CCDC30: variants seen among roughly 807,000 people sequenced by gnomAD.
CCDC30 encodes the protein coiled-coil domain containing 30.
A neutral mutation model predicts 100.2 loss-of-function variants in CCDC30; 70 were observed. That is an observed-to-expected ratio of 0.70 (90% CI 0.58 to 0.85). CCDC30 has a LOEUF of 0.85. Among genes scored for constraint, CCDC30 ranks in the 40% least tolerant of loss-of-function variants. The pLI, the probability that CCDC30 is intolerant of heterozygous loss-of-function variation, is 0.00. For missense variants in CCDC30, 652 were observed against 771.2 expected (o/e 0.85, Z 1.83); for synonymous variants, 233 against 269.5 (o/e 0.86, Z 1.33).
the CCDC30 span, chr1:42,456,489 G>C: frequency 3.6e-6 from 5 of 1,389,530 alleles, no homozygotes; most frequent in Non-Finnish European, 4.7e-6. Context: ...ACGGCGCGGC[G>C]CGTACACCAG....
chr1:42,565,874 T>G (rs892711405), intron 6 of CCDC30, among the ~76,000 whole-genome samples: 3 of 151,782 alleles, frequency 2.0e-5, no homozygotes, highest in Admixed American at 2.0e-4. Context: ...TTAAGGTCTC[T>G]TACTAAATTT....
chr1:42,656,360 G>A (rs1339923801), downstream of CCDC30, among the ~76,000 whole-genome samples: 1 of 152,198 alleles, frequency 6.6e-6, no homozygotes, highest in Non-Finnish European at 1.5e-5. Flanking sequence ...ACCAGGTGCG[G>A]TGGCTCACGC....
intron 5 of CCDC30, among the ~76,000 whole-genome samples, chr1:42,498,298 A>G (rs1644258613): frequency 6.6e-6 from 1 of 152,180 alleles, no homozygotes; most frequent in African/African-American, 2.4e-5. Context: ...AACGGGAGTT[A>G]TTGTTTAATG....
chr1:42,655,489 G>A (rs772448421), downstream of CCDC30, among the ~76,000 whole-genome samples: 1 of 152,132 alleles, frequency 6.6e-6, no homozygotes, highest in Non-Finnish European at 1.5e-5. Flanking sequence ...AGAGGTTGCA[G>A]TGAGCCGAGA....
At chr1:42,475,326 C>T (rs1322143839) in intron 1 of CCDC30, among the ~76,000 whole-genome samples, 1 of 151,970 alleles carries the variant, frequency 6.6e-6, no homozygotes, top group East Asian at 1.9e-4. Context: ...AAAATATGAG[C>T]CATGGACTAA....
chr1:42,631,998 G>A (rs1319543377), intron 11 of CCDC30, among the ~76,000 whole-genome samples: 1 of 152,176 alleles, frequency 6.6e-6, no homozygotes, highest in Non-Finnish European at 1.5e-5. Context: ...TACCTATGCT[G>A]TAAGACTAAG....
At chr1:42,654,887 ATTT>A (rs937099357), downstream of CCDC30, among the ~76,000 whole-genome samples, 1 of 151,142 alleles carries the variant, frequency 6.6e-6, no homozygotes, top group African/African-American at 2.4e-5. Context: ...TAATTTTTGT[ATTT>A]TTAGTAGAGA....
At chr1:42,501,691 C>T (rs1644314808) in intron 6 of CCDC30, among the ~76,000 whole-genome samples, 1 of 152,168 alleles carries the variant, frequency 6.6e-6, no homozygotes, top group African/African-American at 2.4e-5. Context: ...CCCTCAGCTG[C>T]AGGTCTCTTG....
chr1:42,555,560 C>T (rs1047245363), intron 6 of CCDC30, among the ~76,000 whole-genome samples: 3 of 152,144 alleles, frequency 2.0e-5, no homozygotes, highest in Admixed American at 6.5e-5. Flanking sequence ...TGTGTCTGCT[C>T]AATGCCATAC....
At position 42,469,213 on chromosome 1, in the gene CCDC30, T is replaced by TA. The variant is rs551294001; in HGVS notation, c.-92+5322dup. On this transcript the variant is annotated intron_variant, in intron 1 of 16. Transcript: ENST00000668663. ...GGGCAACATATAAGACCCTCGTCTC[T>TA]AAAAAAATAATTTTAAAAATAAGAT... Among the ~76,000 whole-genome samples the TA allele has an allele frequency of 5.2e-3, 786 of 152,210 alleles. 8 individuals carry two copies. The highest frequency in any genetic ancestry group is 0.018 in the African/African-American group (759 of 41,524).
rs765283225 is a variant in CCDC30, at chr1:42,642,625, C to T, written c.1556+16C>T. 4 of 1,535,276 alleles carry T rather than the reference C, an allele frequency of 2.6e-6. No individual in the cohort carries two copies. Among genetic ancestry groups the T allele is most frequent in the Non-Finnish European group, 3.5e-6 (4 of 1,141,208 alleles). On this transcript the variant is annotated intron_variant, in intron 13 of 16. Transcript: ENST00000668663. ...TCCAGAGCAGGTAGGTGCCATCCTG[C>T]CTGGGAGCCAATAAACTCCACAAGA...
chr1:42,547,186 A>G (rs1645162071), intron 6 of CCDC30, among the ~76,000 whole-genome samples: 1 of 152,202 alleles, frequency 6.6e-6, no homozygotes, highest in Admixed American at 6.5e-5. Context: ...AATGGTCACA[A>G]AAACAGAGAG....
chr1:42,624,550 G>A (rs1351134643), intron 11 of CCDC30, among the ~76,000 whole-genome samples: 1 of 152,118 alleles, frequency 6.6e-6, no homozygotes, highest in Non-Finnish European at 1.5e-5. Context: ...TGTGATCTTG[G>A]CTTACTGCAA....
chr1:42,501,388 C>T (rs1208284525), intron 6 of CCDC30, among the ~76,000 whole-genome samples: 1 of 152,200 alleles, frequency 6.6e-6, no homozygotes. Flanking sequence ...ATTCTTAGAA[C>T]AATTCCATTC....
At chr1:42,465,797 A>T (rs1156794534) in intron 1 of CCDC30, among the ~76,000 whole-genome samples, 1 of 152,208 alleles carries the variant, frequency 6.6e-6, no homozygotes, top group Non-Finnish European at 1.5e-5. Flanking sequence ...GAGATCAGGG[A>T]TGCTGCTCCA....
At chr1:42,566,007 G>A (rs1570084790) in intron 6 of CCDC30, among the ~76,000 whole-genome samples, 3 of 152,040 alleles carry the variant, frequency 2.0e-5, no homozygotes, top group Admixed American at 2.0e-4. Context: ...CCCTAAAATT[G>A]TCTGTGCTTC....
In CCDC30 at chr1:42,487,962, G is replaced by C. The variant is rs115088324; in HGVS notation, c.170-2196G>C. On this transcript the variant is annotated intron_variant, in intron 3 of 16. Coordinates refer to ENST00000668663, the Ensembl canonical transcript of CCDC30. Reference sequence around the variant, plus strand: ...CGTGAACTAGTAGATGGATGCTGTTGTAAGCCACTAAGTTTGTGGCAATTT... The same window carrying C: ...CGTGAACTAGTAGATGGATGCTGTTCTAAGCCACTAAGTTTGTGGCAATTT... Among the ~76,000 whole-genome samples, 1,199 of 152,262 alleles carry C rather than the reference G, an allele frequency of 7.9e-3. 21 individuals carry two copies. The highest frequency in any genetic ancestry group is 0.027 in the African/African-American group (1,121 of 41,524).
At chr1:42,456,180 A>G in the CCDC30 span, 1 of 639,762 alleles carries the variant, frequency 1.6e-6, no homozygotes, top group African/African-American at 1.8e-5. Context: ...GAAAGAAAGA[A>G]AAAGCAGCAC....
At position 42,482,547 on chromosome 1, in the gene CCDC30, A is replaced by C. The variant is rs539513705; in HGVS notation, c.16-116A>C. 7.4e-6 allele frequency: 4 copies of C among 539,394 alleles called. No homozygotes were observed. In the South Asian group the frequency reaches 4.1e-4, roughly 55 times the overall value. 33.4% of individuals were successfully genotyped at this position (539,394 alleles called of 1,614,324 possible). Reference sequence around the variant, plus strand: ...CACACACACTCACACACACAAAGAAATACACATAGATATTGTTTGCTAATT... The same window carrying C: ...CACACACACTCACACACACAAAGAACTACACATAGATATTGTTTGCTAATT... On this transcript the variant is annotated intron_variant, in intron 2 of 16. Coordinates refer to ENST00000668663, the Ensembl canonical transcript of CCDC30.
Sources: allele counts gnomAD v4.1 joint callset (sites outside exome capture counted in the v4.1 genomes callset), GRCh38; gene constraint gnomAD v4.1.1; transcripts MANE v1.5; gene names NCBI Gene and HGNC (gene_info 2026-07-23, HGNC 2026-07-21).